ARHGEF12: variants seen among roughly 807,000 people sequenced by gnomAD.
The protein encoded by ARHGEF12 is KMT2A/ARHGEF12 fusion protein.
ARHGEF12 carries 66 observed loss-of-function variants against 211.2 expected under a neutral mutation model. That is an observed-to-expected ratio of 0.31 (90% CI 0.26 to 0.38). The LOEUF (loss-of-function observed/expected upper bound fraction) is 0.38, where lower values mean the gene tolerates loss of function less well. Among genes scored for constraint, ARHGEF12 ranks in the 10% least tolerant of loss-of-function variants. The pLI is 1.00. For synonymous variants in ARHGEF12, 592 were observed against 638.4 expected (o/e 0.93, Z 1.09); for missense variants, 1,429 against 1,869.5 (o/e 0.76, Z 4.34).
chr11:120,433,577 A>G, intron 11 of ARHGEF12, among the ~76,000 whole-genome samples: 1 of 152,228 alleles, frequency 6.6e-6, no homozygotes, highest in East Asian at 1.9e-4. Flanking sequence ...AGAGCAAATG[A>G]TACGAATGAG....
At chr11:120,380,599 C>T (rs1364278891) in intron 1 of ARHGEF12, among the ~76,000 whole-genome samples, 1 of 152,198 alleles carries the variant, frequency 6.6e-6, no homozygotes, top group South Asian at 2.1e-4. Context: ...CTCTTTTCCT[C>T]TCATCAGGGG....
Position 120,485,255 on chromosome 11 carries a change from C to G in ARHGEF12, c.*178C>G, listed in dbSNP as rs1425058800. On this transcript the variant is annotated 3_prime_UTR_variant, in exon 41 of 41. Coordinates refer to ENST00000397843, the MANE Select transcript of ARHGEF12 (RefSeq NM_015313.3). ...GTGGGACTAGTTCTTCACAGTGTGG[C>G]AGCTGCACTAATCTGTTTGTGAGGG... The G allele has an allele frequency of 3.2e-6, 2 of 627,274 alleles. No individual in the cohort carries two copies. The highest frequency in any genetic ancestry group is 5.7e-6 in the Non-Finnish European group (2 of 353,200). 38.9% of individuals were successfully genotyped at this position (627,274 alleles called of 1,614,324 possible).
intron 7 of ARHGEF12, among the ~76,000 whole-genome samples, chr11:120,426,923 C>G (rs889522751): frequency 6.6e-6 from 1 of 152,030 alleles, no homozygotes; most frequent in Non-Finnish European, 1.5e-5. Context: ...GTCACCCAGG[C>G]TGGCGTGCAG....
chr11:120,347,132 T>TTCCTTCCTTCCTTCC (rs1942758800), intron 1 of ARHGEF12, among the ~76,000 whole-genome samples: 1 of 115,604 alleles, frequency 8.7e-6, no homozygotes. Context: ...TCTTTCTTTC[T>TTCCTTCCTTCCTTCC]TTCCTTCCTT....
chr11:120,453,087 C>T (rs2135857308), intron 22 of ARHGEF12, among the ~76,000 whole-genome samples: 1 of 151,846 alleles, frequency 6.6e-6, no homozygotes, highest in South Asian at 2.1e-4. Flanking sequence ...ATCTCATCTC[C>T]ACCCTGACAT....
intron 22 of ARHGEF12, among the ~76,000 whole-genome samples, chr11:120,453,245 C>A (rs368634300): frequency 1.1e-4 from 16 of 152,248 alleles, no homozygotes; most frequent in African/African-American, 3.6e-4. Flanking sequence ...AAATATGGAA[C>A]TCTGAAGATG....
intron 1 of ARHGEF12, among the ~76,000 whole-genome samples, chr11:120,345,712 AAAAAAAAAACG>A (rs1942692469): frequency 6.6e-6 from 1 of 151,408 alleles, no homozygotes; most frequent in African/African-American, 2.4e-5. Flanking sequence ...AAAAAAAAAA[AAAAAAAAAACG>A]AAATGGCGTA....
In ARHGEF12 at chr11:120,420,792, A is replaced by G. The variant is rs746812292; in HGVS notation, c.239A>G (p.Asn80Ser). Residue 80 changes from asparagine to serine, a missense_variant, in exon 5 of 41, where the codon AAT becomes AGT. By Grantham distance (46) the Asn-to-Ser change is conservative. Coordinates refer to ENST00000397843, the MANE Select transcript of ARHGEF12 (RefSeq NM_015313.3). ...QRCVIIQKDD[N>S]GFGLTVSGDN... is the part of the protein sequence containing the mutation. Reference sequence around the variant, plus strand: ...TGCGTAATCATCCAGAAAGATGACAATGGATTTGGGCTGACGGTCAGTGGA... The same window carrying G: ...TGCGTAATCATCCAGAAAGATGACAGTGGATTTGGGCTGACGGTCAGTGGA... 4.3e-6 allele frequency: 7 copies of G among 1,614,106 alleles called. No homozygotes were observed. The highest frequency in any genetic ancestry group is 3.3e-5 in the South Asian group (3 of 91,070).
chr11:120,409,978 G>T (rs1345155899), intron 4 of ARHGEF12: 1 of 152,046 alleles, frequency 6.6e-6, no homozygotes, highest in Non-Finnish European at 1.5e-5. Flanking sequence ...ATTTATCCAC[G>T]ATGGCAAAAA....
At chr11:120,428,443 C>T (rs1565473997) in intron 8 of ARHGEF12, among the ~76,000 whole-genome samples, 196 bp downstream of exon 8, 1 of 152,162 alleles carries the variant, frequency 6.6e-6, no homozygotes, top group Non-Finnish European at 1.5e-5. Flanking sequence ...AAGTATTAGA[C>T]ACCTGCCATA....
rs1268316349 is a variant in ARHGEF12 at position 120,336,850 on chromosome 11, C to G, written c.-394C>G. The G allele has an allele frequency of 5.4e-6, 2 of 367,930 alleles. No homozygotes were observed. The highest frequency in any genetic ancestry group is 2.1e-5 in the African/African-American group (1 of 48,142). 22.8% of individuals were successfully genotyped at this position (367,930 alleles called of 1,614,324 possible). The stretch of plus-strand genomic sequence containing the variant: ...TGCCGCGGCGGGGAGTTCGAGGCCC[C>G]GAGACTCCGGAGGAGGAGCCGACAC... On this transcript the variant is annotated 5_prime_UTR_variant, in exon 1 of 41. Transcript: ENST00000397843.
At chr11:120,442,259 C>G in intron 15 of ARHGEF12, 57 bp downstream of exon 15, 1 of 1,312,866 alleles carries the variant, frequency 7.6e-7, no homozygotes, top group Non-Finnish European at 1.1e-6. Flanking sequence ...TTATTGTCCT[C>G]CTGCTTCCTA....
intron 1 of ARHGEF12, among the ~76,000 whole-genome samples, chr11:120,372,760 C>T (rs1943623382): frequency 6.6e-6 from 1 of 152,052 alleles, no homozygotes; most frequent in Non-Finnish European, 1.5e-5. Flanking sequence ...AGCTGAACAA[C>T]CTTGGAAAAG....
intron 1 of ARHGEF12, among the ~76,000 whole-genome samples, chr11:120,347,112 C>A (rs1394009176): frequency 1.4e-4 from 21 of 151,618 alleles, no homozygotes; most frequent in Non-Finnish European, 4.4e-5. Flanking sequence ...ACTTTTCCAG[C>A]CTCTCCCTTT....
chr11:120,449,141 A>G lies in ARHGEF12; in HGVS notation c.1770A>G (p.Glu590=). 6.2e-7 allele frequency: 1 copy of G among 1,614,188 alleles called. No individual in the cohort carries two copies. The highest frequency in any genetic ancestry group is 8.5e-7 in the Non-Finnish European group (1 of 1,180,018). ...QSMKKDKEGE[E]KGKRRGFPSI... ...TGAAGAAAGATAAAGAAGGGGAAGA[A>G]AAAGGGAAGCGAAGAGGATTCCCCA... The change falls in exon 21 of 41, where the codon GAA becomes GAG. Residue 590 remains glutamate (E), a synonymous_variant. Coordinates refer to ENST00000397843, the MANE Select transcript of ARHGEF12 (RefSeq NM_015313.3).
intron 1 of ARHGEF12, among the ~76,000 whole-genome samples, chr11:120,347,601 A>G (rs1052827315): frequency 2.6e-5 from 4 of 152,210 alleles, no homozygotes; most frequent in Admixed American, 1.3e-4. Flanking sequence ...AAATTCATCT[A>G]TCTAATTTTA....
intron 22 of ARHGEF12, among the ~76,000 whole-genome samples, chr11:120,455,364 AT>A (rs1316737023): frequency 6.6e-6 from 1 of 152,196 alleles, no homozygotes; most frequent in Non-Finnish European, 1.5e-5. Context: ...AGGAAAAAAA[AT>A]GGGGATTACA....
At chr11:120,457,849 C>A (rs1363974141) in intron 24 of ARHGEF12, 93 bp downstream of exon 24, 2 of 1,352,230 alleles carry the variant, frequency 1.5e-6, no homozygotes, top group Non-Finnish European at 2.0e-6. Flanking sequence ...AAAAGAAACC[C>A]TGTATACCAA....
At position 120,465,277 on chromosome 11, in the gene ARHGEF12, C is replaced by G. The variant is rs557470105; in HGVS notation, c.2654C>G (p.Ala885Gly). ...GAGGAGAAATTGAAACATGCTGCTG[C>G]TACCTTTTGCAGTAACCAACCTTTC... Reference protein sequence around the residue: ...PGEEKLKHAAATFCSNQPFAL... With the variant: ...PGEEKLKHAAGTFCSNQPFAL... The change falls in exon 28 of 41, where the codon GCT becomes GGT. Residue 885 changes from alanine to glycine, a missense_variant. Physicochemically the swap from Ala to Gly is moderately conservative, Grantham distance 60 (BLOSUM62 0). Transcript: ENST00000397843. 1.2e-6 allele frequency: 2 copies of G among 1,614,122 alleles called. No individual in the cohort carries two copies. Among genetic ancestry groups the G allele is most frequent in the East Asian group, 2.2e-5 (1 of 44,872 alleles).
Sources: allele counts gnomAD v4.1 joint callset (sites outside exome capture counted in the v4.1 genomes callset), GRCh38; gene constraint gnomAD v4.1.1; transcripts MANE v1.5; gene names NCBI Gene and HGNC (gene_info 2026-07-23, HGNC 2026-07-21).